SCYL2: variants seen among roughly 807,000 people sequenced by gnomAD.
SCYL2 encodes SCY1 like pseudokinase 2, also known as SCY1-like protein 2.
Under a neutral mutation model 100.4 loss-of-function variants are expected in SCYL2, and 36 were observed. That is an observed-to-expected ratio of 0.36 (90% confidence interval 0.27 to 0.47). SCYL2 has a LOEUF of 0.47. Ranked by LOEUF, SCYL2 falls within the 20% of genes least tolerant of loss-of-function variation. SCYL2 has a pLI of 1.00. For missense variants in SCYL2, 902 were observed against 1,083.9 expected (o/e 0.83, Z 2.36); for synonymous variants, 330 against 359.2 (o/e 0.92, Z 0.92).
intron 1 of SCYL2, among the ~76,000 whole-genome samples, chr12:100,273,968 C>T (rs576451318): frequency 7.2e-5 from 11 of 152,306 alleles, no homozygotes; most frequent in African/African-American, 2.2e-4. Context: ...AATTTTGTAT[C>T]CTTTCACCTT....
chr12:100,327,201 G>A, intron 12 of SCYL2: 1 of 406,776 alleles, frequency 2.5e-6, no homozygotes, highest in Non-Finnish European at 5.0e-6. Flanking sequence ...GAGGCTCAGA[G>A]AGGTAAAATA....
chr12:100,279,362 G>A (rs1251078034), intron 1 of SCYL2, among the ~76,000 whole-genome samples: 1 of 152,214 alleles, frequency 6.6e-6, no homozygotes, highest in Non-Finnish European at 1.5e-5. Context: ...CTCGCCTACC[G>A]CTCACCTCCT....
intron 3 of SCYL2, among the ~76,000 whole-genome samples, chr12:100,294,379 G>GC (rs2096314933): frequency 2.6e-5 from 3 of 113,524 alleles, no homozygotes; most frequent in African/African-American, 6.7e-5. Context: ...GGCCGGGCGG[G>GC]GGGCTGACCC....
intron 4 of SCYL2, among the ~76,000 whole-genome samples, chr12:100,303,349 G>T (rs2096330054): frequency 1.3e-5 from 2 of 152,158 alleles, no homozygotes; most frequent in African/African-American, 4.8e-5. Flanking sequence ...GGAATTTTCA[G>T]CCTTTTGGCA....
intron 1 of SCYL2, 140 bp downstream of exon 1, chr12:100,267,932 A>G: frequency 6.6e-6 from 1 of 152,344 alleles, no homozygotes; most frequent in Non-Finnish European, 1.5e-5. Flanking sequence ...TGGGTGGGGC[A>G]GGGGTTTTGT....
At chr12:100,309,317 T>A (rs1195290268) in intron 4 of SCYL2, among the ~76,000 whole-genome samples, 1 of 152,130 alleles carries the variant, frequency 6.6e-6, no homozygotes, top group Non-Finnish European at 1.5e-5. Flanking sequence ...ACCATACATC[T>A]CCACAATTGT....
intron 1 of SCYL2, among the ~76,000 whole-genome samples, chr12:100,270,594 G>A (rs193179832): frequency 4.0e-5 from 6 of 148,248 alleles, no homozygotes; most frequent in East Asian, 2.0e-4. Context: ...ATATTTAAGC[G>A]TATGTTGCCT....
intron 2 of SCYL2, among the ~76,000 whole-genome samples, chr12:100,286,954 A>C (rs1277287312): frequency 2.0e-5 from 3 of 152,162 alleles, no homozygotes; most frequent in Admixed American, 1.3e-4. Flanking sequence ...TTTTAACTTA[A>C]TATAAATAAA....
At position 100,312,741 on chromosome 12, in the gene SCYL2, T is replaced by G. The variant is rs553457667; in HGVS notation, c.852+88T>G. The G allele has an allele frequency of 2.8e-4, 238 of 840,630 alleles. 3 individuals carry two copies. The South Asian group carries it at 3.7e-3, about 13-fold the overall frequency. 52.1% of individuals were successfully genotyped at this position (840,630 alleles called of 1,614,324 possible). ...TCCAAAATGTGTTCAGGAAATTCTT[T>G]AAATGACATGAGTATCTCATTTTAA... On this transcript the variant is annotated intron_variant, in intron 6 of 17. Coordinates refer to ENST00000360820, the MANE Select transcript of SCYL2 (RefSeq NM_017988.6).
chr12:100,340,467 A>G lies in SCYL2; in HGVS notation c.*1295A>G, dbSNP rs770032815. 1.1e-4 allele frequency: 16 copies of G among 152,202 alleles called. No individual in the cohort carries two copies. The highest frequency in any genetic ancestry group is 1.5e-4 in the Non-Finnish European group (10 of 67,922). The allele number at this position is 152,202 out of a possible 1,614,324, so 9.4% of individuals were successfully genotyped here. On this transcript the variant is annotated 3_prime_UTR_variant, in exon 18 of 18. Coordinates refer to ENST00000360820, the MANE Select transcript of SCYL2 (RefSeq NM_017988.6). ...CTTTAAAACCATCTTTCAACGAACT[A>G]TATATGTATTATAGTTGCTGCCATA...
intron 11 of SCYL2, among the ~76,000 whole-genome samples, chr12:100,324,738 CCTCT>C (rs762993215): frequency 1.7e-4 from 26 of 152,172 alleles, no homozygotes; most frequent in South Asian, 8.3e-4. Flanking sequence ...AGTCACTGTG[CCTCT>C]CTGAGTCTTC....
intron 5 of SCYL2, 51 bp from the exon 6 acceptor site, chr12:100,312,381 G>GTTGTTTGGT (rs1420685969): frequency 7.7e-7 from 1 of 1,301,382 alleles, no homozygotes; most frequent in East Asian, 2.3e-5. Flanking sequence ...CTGCTTGATA[G>GTTGTTTGGT]TTGTTTGGTT....
chr12:100,333,856 G>A, intron 13 of SCYL2: 1 of 205,814 alleles, frequency 4.9e-6, no homozygotes, highest in South Asian at 9.5e-5. Flanking sequence ...ACTGCTAAGG[G>A]TGAATTTATA....
At chr12:100,310,638 T>G (rs1407675021) in intron 4 of SCYL2, among the ~76,000 whole-genome samples, 1 of 152,228 alleles carries the variant, frequency 6.6e-6, no homozygotes, top group African/African-American at 2.4e-5. Context: ...ATAATGCTAT[T>G]CAGGAAAACT....
intron 4 of SCYL2, among the ~76,000 whole-genome samples, chr12:100,306,723 G>C (rs766728512): frequency 1.5e-4 from 23 of 152,242 alleles, no homozygotes; most frequent in Non-Finnish European, 3.1e-4. Flanking sequence ...GTTTGCAGAT[G>C]ACATGATGGT....
intron 14 of SCYL2, 87 bp from the exon 15 acceptor site, chr12:100,335,538 T>A: frequency 2.1e-6 from 2 of 951,890 alleles, no homozygotes; most frequent in Non-Finnish European, 3.2e-6. Context: ...GTCTAATAAA[T>A]TCCATGTGAA....
chr12:100,281,019 G>GTTTTTTTTTTTT (rs202048587), intron 1 of SCYL2, among the ~76,000 whole-genome samples: 3 of 50,492 alleles, frequency 5.9e-5, no homozygotes, highest in African/African-American at 2.1e-4. Flanking sequence ...TACCATCAGT[G>GTTTTTTTTTTTT]TTTTTTTTTT....
intron 1 of SCYL2, among the ~76,000 whole-genome samples, chr12:100,281,872 AGTAAAGT>A (rs1358814541): frequency 6.6e-6 from 1 of 151,722 alleles, no homozygotes; most frequent in Non-Finnish European, 1.5e-5. Context: ...TTTATTGCTT[AGTAAAGT>A]GTAAAGTGTT....
At chr12:100,293,270 CTT>C (rs1345422081) in intron 3 of SCYL2, among the ~76,000 whole-genome samples, 1 of 152,088 alleles carries the variant, frequency 6.6e-6, no homozygotes, top group Non-Finnish European at 1.5e-5. Flanking sequence ...TCATATGTCT[CTT>C]GTCATAAAAA....
Sources: allele counts gnomAD v4.1 joint callset (sites outside exome capture counted in the v4.1 genomes callset), GRCh38; gene constraint gnomAD v4.1.1; transcripts MANE v1.5; gene names NCBI Gene and HGNC (gene_info 2026-07-23, HGNC 2026-07-21).